CD81: variants seen among roughly 807,000 people sequenced by gnomAD.
The protein encoded by CD81 is CD81 molecule.
Under a neutral mutation model 30.1 loss-of-function variants are expected in CD81, and 10 were observed. That is an observed-to-expected ratio of 0.33 (90% CI 0.21 to 0.56). CD81 has a LOEUF of 0.56. Ranked by LOEUF, CD81 falls within the 20% of genes least tolerant of loss-of-function variation. The pLI is 0.89. For missense variants in CD81, 263 were observed against 308.7 expected (o/e 0.85, Z 1.11); for synonymous variants, 147 against 126.4 (o/e 1.16, Z -1.10).
At chr11:2,390,347 G>C in intron 1 of CD81, 65 bp from the exon 2 acceptor site, 1 of 1,262,438 alleles carries the variant, frequency 7.9e-7, no homozygotes, top group Admixed American at 1.7e-5. Context: ...CCTTGCGTGT[G>C]GGGTGGGCGC....
chr11:2,385,246 A>AG (rs1849770736), intron 1 of CD81, among the ~76,000 whole-genome samples: 1 of 152,162 alleles, frequency 6.6e-6, no homozygotes, highest in Non-Finnish European at 1.5e-5. Context: ...CAGATGTTTA[A>AG]GGGTACAACT....
Position 2,377,481 on chromosome 11 carries a change from C to A in CD81, c.-69C>A. 1 of 660,008 alleles carries A rather than the reference C, an allele frequency of 1.5e-6. No individual in the cohort carries two copies. Among genetic ancestry groups the A allele is most frequent in the Non-Finnish European group, 1.9e-6 (1 of 534,608 alleles). The allele number at this position is 660,008 out of a possible 1,614,324, so 40.9% of individuals were successfully genotyped here. ...GCCCCCTTGCCGGCCACCCGCCAGGCCCCGCGCCGGCCCGCCCGCCGCCCA... is the reference window on the plus strand; with the variant it reads ...GCCCCCTTGCCGGCCACCCGCCAGGACCCGCGCCGGCCCGCCCGCCGCCCA... On this transcript the variant is annotated 5_prime_UTR_variant, in exon 1 of 8. Coordinates refer to ENST00000263645, the MANE Select transcript of CD81 (RefSeq NM_004356.4). The surrounding 1 kb of genome is among the most constrained non-coding windows in gnomAD (Gnocchi z 7.7).
rs572772428 is a variant in CD81, at chr11:2,385,555, T to TGTC, written c.67-4856_67-4854dup. Reference sequence around the variant, plus strand: ...GTGCCCGTCGTCTGTGTGGCATGCCTGTCTGTGCACCCGTGCTGTGGCGTG... The same window carrying TGTC: ...GTGCCCGTCGTCTGTGTGGCATGCCTGTCGTCTGTGCACCCGTGCTGTGGCGTG... On this transcript the variant is annotated intron_variant, in intron 1 of 7. Coordinates refer to ENST00000263645, the MANE Select transcript of CD81 (RefSeq NM_004356.4). The TGTC allele has an allele frequency of 8.5e-5, 20 of 234,182 alleles. No individual in the cohort carries two copies. The African/African-American group carries it at 9.5e-4, about 11-fold the overall frequency. The allele number at this position is 234,182 out of a possible 1,614,324, so 14.5% of individuals were successfully genotyped here.
chr11:2,390,553 A>G (rs745593672), intron 2 of CD81, 27 bp downstream of exon 2: 2 of 1,515,026 alleles, frequency 1.3e-6, no homozygotes, highest in Non-Finnish European at 1.8e-6. Context: ...CCGCAGACGC[A>G]TTCAGGGAGG....
chr11:2,379,089 C>G (rs964751181), intron 1 of CD81: 1 of 448,552 alleles, frequency 2.2e-6, no homozygotes, highest in African/African-American at 2.0e-5. Flanking sequence ...TTCCCCAGGC[C>G]CGGCCCTGGG....
intron 2 of CD81, chr11:2,391,481 A>C (rs993155471): frequency 6.6e-6 from 1 of 152,230 alleles, no homozygotes; most frequent in Non-Finnish European, 1.5e-5. Flanking sequence ...CCCCAGGGCC[A>C]GGTGAGGGCC....
At chr11:2,394,832 C>T (rs927557322) in intron 3 of CD81, 140 bp from the exon 4 acceptor site, 50 of 782,788 alleles carry the variant, frequency 6.4e-5, no homozygotes, top group African/African-American at 1.2e-4. Flanking sequence ...CCACACAAGC[C>T]GCTCACTCCT....
chr11:2,390,477 C>T lies in CD81; in HGVS notation c.132C>T (p.Leu44=), dbSNP rs2133455674. 1 of 1,613,002 alleles carries T rather than the reference C, an allele frequency of 6.2e-7. No homozygotes were observed. The highest frequency in any genetic ancestry group is 8.5e-7 in the Non-Finnish European group (1 of 1,180,004). Residue 44 remains leucine, a synonymous_variant, in exon 2 of 8, where the codon CTC becomes CTT. Transcript: ENST00000263645. ...GCCATGACCCGCAGACCACCAACCT[C>T]CTGTATCTGGAGCTGGGAGACAAGC... ...WLRHDPQTTN[L]LYLELGDKPA... is the part of the protein sequence containing the mutation.
At chr11:2,379,830 G>A (rs928820880) in intron 1 of CD81, among the ~76,000 whole-genome samples, 3 of 152,142 alleles carry the variant, frequency 2.0e-5, no homozygotes, top group Admixed American at 2.0e-4. Context: ...CCCATCCACT[G>A]GGGCTCAGTG....
At chr11:2,390,551 G>A (rs1358825090) in intron 2 of CD81, 25 bp downstream of exon 2, 3 of 1,529,010 alleles carry the variant, frequency 2.0e-6, no homozygotes, top group South Asian at 1.1e-5. Context: ...GGCCGCAGAC[G>A]CATTCAGGGA....
chr11:2,377,627 G>A lies in CD81; in HGVS notation c.66+12G>A, dbSNP rs1849621543. ...ATTTCGTCTTCTGGGTAAGGGCTGC[G>A]CCGGGGGCCGGGGCGGGAGGGGGCA... is the stretch of plus-strand genomic sequence containing the variant. On this transcript the variant is annotated intron_variant, in intron 1 of 7. Transcript: ENST00000263645. The surrounding 1 kb of genome is among the most constrained non-coding windows in gnomAD (Gnocchi z 7.7). 1 of 1,521,750 alleles carries A rather than the reference G, an allele frequency of 6.6e-7. No homozygotes were observed. Among genetic ancestry groups the A allele is most frequent in the Admixed American group, 1.9e-5 (1 of 53,512 alleles). The allele number at this position is 1,521,750 out of a possible 1,614,324, so 94.3% of individuals were successfully genotyped here. A position where few individuals can be genotyped will look rare whatever the true frequency, so the allele number is the denominator to read the frequency against.
Position 2,396,805 on chromosome 11 carries a change from T to G in CD81, c.650T>G (p.Ile217Ser), listed in dbSNP as rs1479994162. Residue 217 changes from isoleucine to serine, a missense_variant and splice_region_variant, in exon 8 of 8, where the codon ATC becomes AGC. This residue lies in a region of CD81 where 176 missense variants were observed against 192.9 expected (regional missense o/e 0.91). Coordinates refer to ENST00000263645, the MANE Select transcript of CD81 (RefSeq NM_004356.4). ...GCGCCCCCCACCACCCTCCTGCAGATCTTCGAGATGATCCTGAGCATGGTG... is the reference window on the plus strand; with the variant it reads ...GCGCCCCCCACCACCCTCCTGCAGAGCTTCGAGATGATCCTGAGCATGGTG... ...IAAIVVAVIM[I>S]FEMILSMVLC... 6.2e-7 allele frequency: 1 copy of G among 1,612,740 alleles called. No homozygotes were observed. The highest frequency in any genetic ancestry group is 8.5e-7 in the Non-Finnish European group (1 of 1,180,006).
At chr11:2,389,586 T>A (rs558112320) in intron 1 of CD81, among the ~76,000 whole-genome samples, 1 of 152,104 alleles carries the variant, frequency 6.6e-6, no homozygotes, top group Non-Finnish European at 1.5e-5. Flanking sequence ...CTCTCCTCTC[T>A]GTGAGCCTCA....
chr11:2,380,705 G>C (rs1822043534), intron 1 of CD81, among the ~76,000 whole-genome samples: 1 of 152,158 alleles, frequency 6.6e-6, no homozygotes, highest in Non-Finnish European at 1.5e-5. Context: ...CCAGGAGCAG[G>C]GCAGGAGAGT....
At chr11:2,384,319 G>A (rs1292904193) in intron 1 of CD81, among the ~76,000 whole-genome samples, 2 of 143,062 alleles carry the variant, frequency 1.4e-5, no homozygotes, top group African/African-American at 5.3e-5. Context: ...CTTGGGAGGC[G>A]GGGTGTCTCG....
chr11:2,385,851 A>T (rs1849788181), intron 1 of CD81: 1 of 552,534 alleles, frequency 1.8e-6, no homozygotes, highest in Admixed American at 2.8e-5. Flanking sequence ...ATTTACAAGA[A>T]ACGTGCTAGA....
intron 2 of CD81, chr11:2,393,472 T>G (rs800349): frequency 0.68 from 122,621 of 181,166 alleles, 43,523 homozygotes; most frequent in Non-Finnish European, 0.8. Flanking sequence ...GGCCTAGGAA[T>G]CCAACTTGAT....
chr11:2,386,286 A>G (rs1849797087), intron 1 of CD81: 4 of 661,978 alleles, frequency 6.0e-6, no homozygotes, highest in Admixed American at 4.3e-5. Flanking sequence ...AAAGCTCTGC[A>G]TACGTTCAGG....
Position 2,394,234 on chromosome 11 carries a change from C to T in CD81, c.279+42C>T, listed in dbSNP as rs1036005455. ...GGCCTGTGCCTGGGCCGGGGAGGGG[C>T]TGGGGGCTGCGTCTGGCCCTGAGGA... On this transcript the variant is annotated intron_variant, in intron 3 of 7. Coordinates refer to ENST00000263645, the MANE Select transcript of CD81 (RefSeq NM_004356.4). 3 of 1,389,250 alleles carry T rather than the reference C, an allele frequency of 2.2e-6. No individual in the cohort carries two copies. The Admixed American group carries it at 5.2e-5, about 24-fold the overall frequency. 86.1% of individuals were successfully genotyped at this position (1,389,250 alleles called of 1,614,324 possible).
Sources: allele counts gnomAD v4.1 joint callset (sites outside exome capture counted in the v4.1 genomes callset), GRCh38; gene constraint gnomAD v4.1.1; regional missense constraint gnomAD v4.1.1; non-coding constraint Gnocchi (gnomAD v3.1); transcripts MANE v1.5; gene names NCBI Gene and HGNC (gene_info 2026-07-23, HGNC 2026-07-21).